Variants in FNIP2 observed in about 807,000 individuals in gnomAD.
FNIP2 encodes folliculin-interacting protein 2.
In FNIP2, 32 loss-of-function variants were observed where a neutral mutation model predicts 108.7. The ratio of observed to expected loss-of-function variants is 0.29; its 90% CI spans 0.22 to 0.40. FNIP2 has a LOEUF of 0.40. FNIP2 is among the 10% of genes least tolerant of loss of function. FNIP2 has a pLI of 1.00. For synonymous variants in FNIP2, 480 were observed against 496.7 expected (o/e 0.97, Z 0.45); for missense variants, 1,202 against 1,381.6 (o/e 0.87, Z 2.06).
chr4:158,903,483 A>C (rs1729538036), intron 16 of FNIP2, among the ~76,000 whole-genome samples: 1 of 152,074 alleles, frequency 6.6e-6, no homozygotes, highest in Non-Finnish European at 1.5e-5. Flanking sequence ...CAAGGGCTTT[A>C]CCCCATCCTT....
intron 7 of FNIP2, among the ~76,000 whole-genome samples, chr4:158,842,890 C>T (rs2126628609): frequency 6.6e-6 from 1 of 152,158 alleles, no homozygotes; most frequent in African/African-American, 2.4e-5. Context: ...GATTTGGGAA[C>T]TATAATGTAT....
chr4:158,864,377 AATT>A lies in FNIP2; in HGVS notation c.1465+2603_1465+2605del, dbSNP rs78791127. ...CAAGCCAAACAAATTGCACAAAAGA[AATT>A]AGAAAACATTTGAAATAATGATAAT... On this transcript the variant is annotated intron_variant, in intron 12 of 16. Coordinates refer to ENST00000264433, the MANE Select transcript of FNIP2 (RefSeq NM_020840.3). 2.7e-3 allele frequency among the ~76,000 whole-genome samples: 414 copies of A among 152,344 alleles called. 2 individuals are homozygous for A. Among genetic ancestry groups the A allele is most frequent in the South Asian group, 0.013 (64 of 4,824 alleles).
At chr4:158,885,109 T>C (rs958515632) in intron 14 of FNIP2, among the ~76,000 whole-genome samples, 7 of 152,044 alleles carry the variant, frequency 4.6e-5, no homozygotes, top group African/African-American at 7.2e-5. Context: ...TGAGCCGAGA[T>C]TGTGCCACTG....
At chr4:158,881,411 TCC>T (rs1781608025) in intron 14 of FNIP2, among the ~76,000 whole-genome samples, 1 of 22,948 alleles carries the variant, frequency 4.4e-5, no homozygotes, top group African/African-American at 1.3e-4. Context: ...TTCCACGGTC[TCC>T]CTCTCCCTCT....
chr4:158,808,024 G>A (rs1433178185), intron 1 of FNIP2, among the ~76,000 whole-genome samples: 3 of 152,180 alleles, frequency 2.0e-5, no homozygotes, highest in Non-Finnish European at 2.9e-5. Flanking sequence ...TCTGAATCTT[G>A]ATCCCTAGCT....
Position 158,906,751 on chromosome 4 carries a change from A to C in FNIP2, c.*2207A>C, listed in dbSNP as rs1338312371. On this transcript the variant is annotated 3_prime_UTR_variant, in exon 17 of 17. Coordinates refer to ENST00000264433, the MANE Select transcript of FNIP2 (RefSeq NM_020840.3). ...GCTGCTCTTTTATAATCCTTTAAAT[A>C]TTTAACATTCAAGTTTTCTTTGTCT... 1 of 152,116 alleles carries C rather than the reference A, an allele frequency of 6.6e-6. No individual in the cohort carries two copies. Among genetic ancestry groups the C allele is most frequent in the Admixed American group, 6.5e-5 (1 of 15,272 alleles). The allele number at this position is 152,116 out of a possible 1,614,324, so 9.4% of individuals were successfully genotyped here.
intron 1 of FNIP2, among the ~76,000 whole-genome samples, chr4:158,784,840 C>T (rs1329917631): frequency 1.3e-5 from 2 of 152,090 alleles, no homozygotes; most frequent in Non-Finnish European, 2.9e-5. Flanking sequence ...GTTGGGGATC[C>T]CTGCTCTAAT....
intron 8 of FNIP2, among the ~76,000 whole-genome samples, chr4:158,854,372 C>A (rs2126659994): frequency 6.6e-6 from 1 of 152,358 alleles, no homozygotes; most frequent in East Asian, 1.9e-4. Flanking sequence ...ACTGCAGCTT[C>A]TGTTGTCACC....
chr4:158,818,458 A>G (rs1021355161), intron 1 of FNIP2, among the ~76,000 whole-genome samples: 3 of 152,202 alleles, frequency 2.0e-5, no homozygotes, highest in Non-Finnish European at 4.4e-5. Context: ...TATAATTCCA[A>G]AATCCTAAAA....
chr4:158,859,875 C>T (rs1032915039), intron 10 of FNIP2, among the ~76,000 whole-genome samples: 3 of 152,164 alleles, frequency 2.0e-5, no homozygotes, highest in African/African-American at 7.2e-5. Flanking sequence ...CCGACAGTCC[C>T]TGATAGGATT....
rs768503956 is a variant in FNIP2, at chr4:158,895,892, G to T, written c.3266+27G>T. Reference sequence around the variant, plus strand: ...TGAGTTCTGTGAAGTGCCGTCACTTGTCCCTTTGATAGGTATCCCTAGCAT... The same window carrying T: ...TGAGTTCTGTGAAGTGCCGTCACTTTTCCCTTTGATAGGTATCCCTAGCAT... On this transcript the variant is annotated intron_variant, in intron 16 of 16. Transcript: ENST00000264433. 20 of 1,515,362 alleles carry T rather than the reference G, an allele frequency of 1.3e-5. No homozygotes were observed. The South Asian group carries it at 2.3e-4, about 17-fold the overall frequency. The allele number at this position is 1,515,362 out of a possible 1,614,324, so 93.9% of individuals were successfully genotyped here. A position where few individuals can be genotyped will look rare whatever the true frequency, so the allele number is the denominator to read the frequency against.
chr4:158,789,710 G>T (rs1776340737), intron 1 of FNIP2, among the ~76,000 whole-genome samples: 1 of 152,154 alleles, frequency 6.6e-6, no homozygotes, highest in South Asian at 2.1e-4. Context: ...TGCAACAGGA[G>T]CTAACAGTAC....
At chr4:158,843,465 G>T (rs1779234090) in intron 7 of FNIP2, among the ~76,000 whole-genome samples, 1 of 152,150 alleles carries the variant, frequency 6.6e-6, no homozygotes, top group Non-Finnish European at 1.5e-5. Context: ...TATGAGAATA[G>T]ATCAGTGGTC....
intron 1 of FNIP2, among the ~76,000 whole-genome samples, chr4:158,770,521 A>G (rs538728162): frequency 6.6e-6 from 1 of 152,332 alleles, no homozygotes; most frequent in East Asian, 1.9e-4. Context: ...CATTTAAAAC[A>G]GTCTCTCACT....
chr4:158,867,594 C>T (rs933995357), intron 12 of FNIP2, among the ~76,000 whole-genome samples: 3 of 152,104 alleles, frequency 2.0e-5, no homozygotes, highest in Non-Finnish European at 4.4e-5. Context: ...TGTGTGTATG[C>T]GTATTAAGAT....
At chr4:158,804,831 G>T (rs1385049175) in intron 1 of FNIP2, among the ~76,000 whole-genome samples, 5 of 152,132 alleles carry the variant, frequency 3.3e-5, no homozygotes, top group African/African-American at 4.8e-5. Context: ...CTCAAAATGT[G>T]TTCTTCTTGG....
chr4:158,773,304 G>A (rs1775756788), intron 1 of FNIP2, among the ~76,000 whole-genome samples: 1 of 152,124 alleles, frequency 6.6e-6, no homozygotes. Context: ...CTATGCACTG[G>A]TTAGTGATTT....
intron 3 of FNIP2, among the ~76,000 whole-genome samples, chr4:158,830,942 GGA>G (rs1481668899): frequency 2.6e-5 from 4 of 152,180 alleles, no homozygotes; most frequent in African/African-American, 7.2e-5. Flanking sequence ...TAGAGCTCCA[GGA>G]GAGCTCTTGG....
intron 6 of FNIP2, chr4:158,834,012 T>C (rs556998926): frequency 1.7e-4 from 96 of 571,516 alleles, no homozygotes; most frequent in Admixed American, 5.0e-4. Context: ...ATCACAGATA[T>C]TGGTTTCAAA....
Sources: allele counts gnomAD v4.1 joint callset (sites outside exome capture counted in the v4.1 genomes callset), GRCh38; gene constraint gnomAD v4.1.1; transcripts MANE v1.5; gene names NCBI Gene and HGNC (gene_info 2026-07-23, HGNC 2026-07-21).